Variants in SYNPR observed in about 807,000 individuals in gnomAD.
SYNPR encodes the protein synaptoporin.
In SYNPR, 23 loss-of-function variants were observed where a neutral mutation model predicts 32.9. That is an observed-to-expected ratio of 0.70 (90% CI 0.50 to 0.99). The LOEUF (loss-of-function observed/expected upper bound fraction) is 0.99. Among genes scored for constraint, SYNPR ranks in the 50% least tolerant of loss-of-function variants. SYNPR has a pLI of 0.00. For synonymous variants in SYNPR, 146 were observed against 135.9 expected (o/e 1.07, Z -0.52); for missense variants, 318 against 349.3 (o/e 0.91, Z 0.71).
intron 2 of SYNPR, among the ~76,000 whole-genome samples, chr3:63,331,089 A>G (rs950437657): frequency 4.6e-5 from 7 of 152,172 alleles, no homozygotes; most frequent in Non-Finnish European, 8.8e-5. Flanking sequence ...CACAGCACAT[A>G]TATCATTACC....
chr3:63,262,082 T>C (rs1232164487), intron 2 of SYNPR, among the ~76,000 whole-genome samples: 1 of 146,132 alleles, frequency 6.8e-6, no homozygotes, highest in African/African-American at 2.5e-5. Flanking sequence ...ACAGTTTTCA[T>C]TTTTAGAGAG....
intron 2 of SYNPR, among the ~76,000 whole-genome samples, chr3:63,345,190 C>A (rs921276073): frequency 2.6e-5 from 4 of 152,104 alleles, no homozygotes; most frequent in African/African-American, 9.7e-5. Context: ...ATCTCGTGAC[C>A]TTTCATTAGT....
chr3:63,329,294 G>C (rs2087199625), intron 2 of SYNPR, among the ~76,000 whole-genome samples: 1 of 151,856 alleles, frequency 6.6e-6, no homozygotes, highest in Non-Finnish European at 1.5e-5. Flanking sequence ...CAATTTAATG[G>C]GGTAGCTACT....
At chr3:63,281,413 G>T (rs1289201857) in intron 2 of SYNPR, among the ~76,000 whole-genome samples, 1 of 152,022 alleles carries the variant, frequency 6.6e-6, no homozygotes, top group East Asian at 1.9e-4. Context: ...TAGTTTTGGG[G>T]GTTGCTATAA....
chr3:63,476,205 GGAAGGAA>G (rs2106687219), intron 2 of SYNPR, among the ~76,000 whole-genome samples: 1 of 79,666 alleles, frequency 1.3e-5, no homozygotes, highest in Non-Finnish European at 2.6e-5. Flanking sequence ...AGCAAGGGAA[GGAAGGAA>G]GGAGGGAAGG....
chr3:63,421,640 C>T (rs868008275), intron 2 of SYNPR, among the ~76,000 whole-genome samples: 29 of 152,148 alleles, frequency 1.9e-4, no homozygotes, highest in African/African-American at 6.3e-4. Flanking sequence ...CTTAAAACAA[C>T]GCACATTTAT....
intron 4 of SYNPR, among the ~76,000 whole-genome samples, chr3:63,565,336 A>T (rs571844669): frequency 1.3e-5 from 2 of 152,262 alleles, no homozygotes; most frequent in African/African-American, 4.8e-5. Flanking sequence ...ATCTTCTCAC[A>T]GTTCTGGAGG....
At chr3:63,434,989 T>C (rs1700055531) in intron 2 of SYNPR, among the ~76,000 whole-genome samples, 1 of 152,212 alleles carries the variant, frequency 6.6e-6, no homozygotes, top group Non-Finnish European at 1.5e-5. Context: ...GGGACCACTT[T>C]TAATCCCCTG....
intron 2 of SYNPR, among the ~76,000 whole-genome samples, chr3:63,322,005 C>A (rs2087115900): frequency 6.6e-6 from 1 of 151,972 alleles, no homozygotes; most frequent in Non-Finnish European, 1.5e-5. Flanking sequence ...TCTTCTGTCA[C>A]CAAGGGAGTC....
chr3:63,212,279 C>T, the SYNPR span, among the ~76,000 whole-genome samples: 41 of 32,018 alleles, frequency 1.3e-3, 2 homozygotes, highest in East Asian at 0.012. Flanking sequence ...CCTGAGGAAT[C>T]GCCACACTGA....
rs556479031 is a variant in SYNPR at position 63,342,365 on chromosome 3, A to C, written c.84+63623A>C. Among the ~76,000 whole-genome samples the C allele has an allele frequency of 1.8e-4, 28 of 152,252 alleles. No individual in the cohort carries two copies. The East Asian group carries it at 5.2e-3, about 28-fold the overall frequency. On this transcript the variant is annotated intron_variant, in intron 2 of 5. Coordinates refer to ENST00000478300, the MANE Select transcript of SYNPR (RefSeq NM_001130003.2). ...TTTGTCTAATATTTTCTCTGGACCA[A>C]TTGATATGCTCATATGATTTTCTTT...
At chr3:63,405,641 G>C (rs1283783031) in intron 2 of SYNPR, among the ~76,000 whole-genome samples, 1 of 152,078 alleles carries the variant, frequency 6.6e-6, no homozygotes, top group Non-Finnish European at 1.5e-5. Context: ...TCATATTAAT[G>C]CTTAAAACAG....
intron 2 of SYNPR, among the ~76,000 whole-genome samples, chr3:63,318,089 C>T (rs2087062069): frequency 6.6e-6 from 1 of 152,054 alleles, no homozygotes; most frequent in East Asian, 1.9e-4. Context: ...GGCCCCAATT[C>T]TTTCTAGCTT....
rs139231134 is a variant in SYNPR, at chr3:63,253,192, T to C, written n.154+606T>C. Among the ~76,000 whole-genome samples the C allele has an allele frequency of 1.8e-3, 270 of 152,144 alleles. 3 individuals carry two copies. Among genetic ancestry groups the C allele is most frequent in the Admixed American group, 5.0e-3 (76 of 15,272 alleles). ...ATGCCAAATAATCACCATTTGAGGG[T>C]GGATTTAAATTTTAATAGCAGCTAA... is the stretch of plus-strand genomic sequence containing the variant. On this transcript the variant is annotated intron_variant and non_coding_transcript_variant, in intron 2 of 4. Coordinates refer to the SYNPR transcript ENST00000478456.
intron 2 of SYNPR, among the ~76,000 whole-genome samples, chr3:63,317,084 T>C (rs2087051301): frequency 7.4e-6 from 1 of 135,938 alleles, no homozygotes; most frequent in Admixed American, 7.7e-5. Flanking sequence ...TATTCCACTG[T>C]GATCTGACAG....
intron 2 of SYNPR, among the ~76,000 whole-genome samples, chr3:63,377,787 T>A (rs952030869): frequency 1.3e-5 from 2 of 152,006 alleles, no homozygotes; most frequent in Non-Finnish European, 2.9e-5. Flanking sequence ...TACTGCCAAG[T>A]TGAATCTTTA....
the SYNPR span, among the ~76,000 whole-genome samples, chr3:63,219,708 A>G: frequency 7.2e-5 from 11 of 152,228 alleles, no homozygotes; most frequent in Non-Finnish European, 1.0e-4. Context: ...AAAATTCATA[A>G]GGAAAATATA....
intron 2 of SYNPR, among the ~76,000 whole-genome samples, chr3:63,350,205 T>A (rs1365891312): frequency 7.2e-6 from 1 of 139,458 alleles, no homozygotes. Flanking sequence ...TAGAGGTTAA[T>A]ATTATTCTAC....
At chr3:63,438,348 T>G (rs1045400644) in intron 2 of SYNPR, among the ~76,000 whole-genome samples, 2 of 152,176 alleles carry the variant, frequency 1.3e-5, no homozygotes, top group Middle Eastern at 3.2e-3. Context: ...GTGTAGAAAT[T>G]TTTTAATAAA....
Sources: gnomAD v4.1 joint callset for allele counts (sites outside exome capture counted in the v4.1 genomes callset) on GRCh38, gnomAD v4.1.1 for gene constraint, MANE v1.5 for transcripts, NCBI Gene and HGNC (gene_info 2026-07-23, HGNC 2026-07-21) for gene names.